SUMF1: variants seen among roughly 807,000 people sequenced by gnomAD.
The protein encoded by SUMF1 is sulfatase modifying factor 1, also known as formylglycine-generating enzyme.
Under a neutral mutation model 47.6 loss-of-function variants are expected in SUMF1, and 48 were observed. That is an observed-to-expected ratio of 1.01 (90% CI 0.80 to 1.28). The LOEUF (loss-of-function observed/expected upper bound fraction) is 1.28. Ranked by LOEUF, SUMF1 falls within the 50% of genes most tolerant of loss-of-function variation. The probability of loss-of-function intolerance (pLI) is 0.00; values close to 1 mark genes in which losing one functional copy is unlikely to be tolerated. For missense variants in SUMF1, 571 were observed against 485.4 expected, an observed-to-expected ratio of 1.18 and a Z score of -1.66; for synonymous variants, 230 against 192.1, an observed-to-expected ratio of 1.20 and a Z score of -1.63.
In SUMF1 at chr3:4,395,288, A is replaced by G. The variant is rs1217463126; in HGVS notation, c.954+15577T>C. Among the ~76,000 whole-genome samples the G allele has an allele frequency of 2.6e-5, 4 of 152,212 alleles. No homozygotes were observed. In the South Asian group the frequency reaches 6.2e-4, roughly 24 times the overall value. ...TCAGCAGCATCTCTACCCAAAGTAC[A>G]TATTTGTGAAAAATACAGTCAAAAT... On this transcript the variant is annotated intron_variant, in intron 7 of 8. Transcript: ENST00000272902.
chr3:4,429,121 TACA>T (rs1702156907), intron 3 of SUMF1, among the ~76,000 whole-genome samples: 1 of 152,264 alleles, frequency 6.6e-6, no homozygotes, highest in South Asian at 2.1e-4. Flanking sequence ...CACCTTCATG[TACA>T]TTTTTTGCTT....
chr3:4,172,931 G>A (rs1157740529), intron 8 of SUMF1, among the ~76,000 whole-genome samples: 1 of 152,110 alleles, frequency 6.6e-6, no homozygotes, highest in Non-Finnish European at 1.5e-5. Flanking sequence ...CTTTGCCCAT[G>A]CCTATGTTTT....
At chr3:4,165,232 C>T (rs922601072) in intron 8 of SUMF1, among the ~76,000 whole-genome samples, 1 of 152,164 alleles carries the variant, frequency 6.6e-6, no homozygotes, top group Admixed American at 6.5e-5. Flanking sequence ...GACGTCTCTC[C>T]AAGTGAAGTC....
intron 3 of SUMF1, among the ~76,000 whole-genome samples, chr3:4,444,899 T>C (rs973492968): frequency 1.3e-5 from 2 of 152,148 alleles, no homozygotes; most frequent in Non-Finnish European, 2.9e-5. Context: ...GAAATGGCTT[T>C]AAGGATGAGG....
At chr3:4,229,374 G>A in intron 8 of SUMF1, 1 of 398,902 alleles carries the variant, frequency 2.5e-6, no homozygotes, top group East Asian at 9.6e-5. Flanking sequence ...AGCCCCAAAA[G>A]CCAAGAAGAG....
chr3:4,364,059 T>A (rs1476755240), intron 8 of SUMF1, among the ~76,000 whole-genome samples: 2 of 133,748 alleles, frequency 1.5e-5, no homozygotes, highest in African/African-American at 2.7e-5. Context: ...CAGACTTGCA[T>A]CCCAGGGATG....
At position 4,163,362 on chromosome 3, in the gene SUMF1, G is replaced by T. The variant is rs150446326; in HGVS notation, c.1015-94617C>A. Among the ~76,000 whole-genome samples, 140 of 29,274 alleles carry T rather than the reference G, an allele frequency of 4.8e-3. 1 individual carries two copies. The highest frequency in any genetic ancestry group is 0.02 in the African/African-American group (136 of 6,642). The allele number at this position is 29,274 out of a possible 152,430, so 19.2% of individuals were successfully genotyped here. A position where few individuals can be genotyped will look rare whatever the true frequency, so the allele number is the denominator to read the frequency against. On this transcript the variant is annotated intron_variant and NMD_transcript_variant, in intron 8 of 12. Transcript: ENST00000448413. ...AGAGAGAGAGAGACAGAGAGAGAGA[G>T]AAAGGAAGGAAGGAAGGAAGGGAGG...
intron 8 of SUMF1, among the ~76,000 whole-genome samples, chr3:4,089,781 G>C (rs1403286602): frequency 6.6e-6 from 1 of 152,016 alleles, no homozygotes; most frequent in Admixed American, 6.6e-5. Context: ...CCTACATGTT[G>C]ATCACATCAT....
At chr3:4,242,591 G>C (rs1189852700) in intron 8 of SUMF1, among the ~76,000 whole-genome samples, 1 of 152,196 alleles carries the variant, frequency 6.6e-6, no homozygotes, top group African/African-American at 2.4e-5. Context: ...ATTTATATAT[G>C]TTGAACCAGC....
intron 8 of SUMF1, among the ~76,000 whole-genome samples, chr3:4,127,966 C>A (rs1693694312): frequency 6.6e-6 from 1 of 152,002 alleles, no homozygotes; most frequent in South Asian, 2.1e-4. Context: ...TCATGAAAGG[C>A]AAGGAGTTTA....
At chr3:4,380,954 G>T (rs1219689076) in intron 7 of SUMF1, among the ~76,000 whole-genome samples, 1 of 152,148 alleles carries the variant, frequency 6.6e-6, no homozygotes, top group South Asian at 2.1e-4. Flanking sequence ...ACAGAACCAC[G>T]TATCAGTGAG....
intron 8 of SUMF1, among the ~76,000 whole-genome samples, chr3:4,119,286 G>T (rs905958947): frequency 2.0e-5 from 3 of 152,102 alleles, no homozygotes; most frequent in Admixed American, 6.5e-5. Flanking sequence ...ATTACTGCCT[G>T]TTATATTCCT....
chr3:4,424,386 A>C (rs1702000098), intron 3 of SUMF1, among the ~76,000 whole-genome samples: 1 of 152,184 alleles, frequency 6.6e-6, no homozygotes, highest in Non-Finnish European at 1.5e-5. Flanking sequence ...ATGGAGCTAT[A>C]TGATGATCAC....
chr3:4,105,626 T>C (rs1299339301), intron 8 of SUMF1, among the ~76,000 whole-genome samples: 3 of 152,116 alleles, frequency 2.0e-5, no homozygotes, highest in East Asian at 1.9e-4. Context: ...ATATTATTAA[T>C]GGAAACTTAG....
intron 8 of SUMF1, chr3:4,316,132 A>G: frequency 1.7e-6 from 1 of 574,800 alleles, no homozygotes; most frequent in Admixed American, 2.9e-5. Flanking sequence ...AAATGTGGTC[A>G]TGTTATACAC....
At chr3:4,320,195 A>C (rs942196224) in intron 8 of SUMF1, among the ~76,000 whole-genome samples, 1 of 152,212 alleles carries the variant, frequency 6.6e-6, no homozygotes, top group South Asian at 2.1e-4. Flanking sequence ...AGACTGTGAC[A>C]AGAGAACATA....
intron 8 of SUMF1, among the ~76,000 whole-genome samples, chr3:4,212,843 G>A (rs539465445): frequency 1.6e-4 from 25 of 152,178 alleles, no homozygotes; most frequent in African/African-American, 5.3e-4. Flanking sequence ...GAAATAAAGC[G>A]AGAAGACAAA....
intron 8 of SUMF1, among the ~76,000 whole-genome samples, chr3:4,113,342 T>C (rs1234612568): frequency 2.0e-5 from 3 of 151,914 alleles, no homozygotes; most frequent in Non-Finnish European, 2.9e-5. Flanking sequence ...TCCTGGGCAA[T>C]ATAGCAAGAC....
intron 8 of SUMF1, among the ~76,000 whole-genome samples, chr3:4,174,469 C>T (rs1694912086): frequency 6.6e-6 from 1 of 151,876 alleles, no homozygotes; most frequent in Non-Finnish European, 1.5e-5. Context: ...TTTGGGAGGC[C>T]AAGGCAAGCA....
Sources: allele counts gnomAD v4.1 joint callset (sites outside exome capture counted in the v4.1 genomes callset), GRCh38; gene constraint gnomAD v4.1.1; transcripts MANE v1.5; gene names NCBI Gene and HGNC (gene_info 2026-07-23, HGNC 2026-07-21).